Variants in INPP4B observed in about 807,000 individuals in gnomAD.
The protein encoded by INPP4B is inositol polyphosphate 4-phosphatase type II.
A neutral mutation model predicts 122.5 loss-of-function variants in INPP4B; 55 were observed. That is an observed-to-expected ratio of 0.45 (90% CI 0.36 to 0.56). The LOEUF (loss-of-function observed/expected upper bound fraction) is 0.56. Among genes scored for constraint, INPP4B ranks in the 20% least tolerant of loss-of-function variants. The pLI is 0.00. For missense variants in INPP4B, 1,000 were observed against 1,097.7 expected (o/e 0.91, Z 1.26); for synonymous variants, 403 against 388.7 (o/e 1.04, Z -0.43).
intron 2 of INPP4B, among the ~76,000 whole-genome samples, chr4:142,541,646 G>A (rs1001163279): frequency 3.3e-5 from 5 of 152,204 alleles, no homozygotes; most frequent in African/African-American, 1.2e-4. Flanking sequence ...TTGCCAGTGA[G>A]TAAGATGCTA....
chr4:142,092,784 GA>G (rs1237882847), intron 23 of INPP4B, among the ~76,000 whole-genome samples: 3 of 152,162 alleles, frequency 2.0e-5, no homozygotes, highest in Non-Finnish European at 2.9e-5. Context: ...ATTCAACATT[GA>G]CCAGCCACAG....
At chr4:142,621,891 C>T (rs903603669) in intron 2 of INPP4B, among the ~76,000 whole-genome samples, 30 of 151,908 alleles carry the variant, frequency 2.0e-4, no homozygotes, top group African/African-American at 7.0e-4. Flanking sequence ...GTATAACTTA[C>T]TTGTCTGAAG....
chr4:142,729,055 A>G (rs563158412), intron 1 of INPP4B, among the ~76,000 whole-genome samples: 1 of 152,334 alleles, frequency 6.6e-6, no homozygotes, highest in East Asian at 1.9e-4. Context: ...AAATGAAACC[A>G]TTCTACCTCA....
intron 5 of INPP4B, among the ~76,000 whole-genome samples, chr4:142,423,515 T>C (rs904871926): frequency 1.3e-5 from 2 of 152,020 alleles, no homozygotes; most frequent in African/African-American, 4.8e-5. Context: ...ACAAAGTATT[T>C]AGAATCAGCT....
chr4:142,240,939 C>G (rs561716157), intron 11 of INPP4B, among the ~76,000 whole-genome samples: 2 of 151,938 alleles, frequency 1.3e-5, no homozygotes, highest in Non-Finnish European at 2.9e-5. Flanking sequence ...AAGAAAGGCA[C>G]GGTACTCATG....
chr4:142,636,396 T>A (rs1418766504), intron 2 of INPP4B, among the ~76,000 whole-genome samples: 1 of 152,068 alleles, frequency 6.6e-6, no homozygotes, highest in African/African-American at 2.4e-5. Flanking sequence ...AATAAAAAAT[T>A]TTGAAAAACT....
At chr4:142,685,781 A>G (rs1759257951) in intron 2 of INPP4B, among the ~76,000 whole-genome samples, 1 of 152,068 alleles carries the variant, frequency 6.6e-6, no homozygotes, top group African/African-American at 2.4e-5. Context: ...TTATTAAATA[A>G]ATAGGTTTCT....
rs534066381 is a variant in INPP4B at position 142,681,633 on chromosome 4, A to G, written c.-191+44206T>C. 3.3e-5 allele frequency among the ~76,000 whole-genome samples: 5 copies of G among 152,000 alleles called. No homozygotes were observed. In the South Asian group the frequency reaches 8.3e-4, roughly 25 times the overall value. ...GAGGAAGGGAAGAAAGAAAGAAAGA[A>G]AACGAAAACCAAAAGGTTTTCAAGG... On this transcript the variant is annotated intron_variant, in intron 2 of 25. Transcript: ENST00000262992.
chr4:142,165,304 C>T (rs140515675), intron 16 of INPP4B, among the ~76,000 whole-genome samples: 31 of 151,782 alleles, frequency 2.0e-4, no homozygotes, highest in African/African-American at 7.5e-4. Flanking sequence ...GATTAGTCAG[C>T]AATTTATTCT....
intron 1 of INPP4B, among the ~76,000 whole-genome samples, chr4:142,801,204 A>T (rs1777961367): frequency 1.3e-5 from 2 of 152,218 alleles, no homozygotes; most frequent in Non-Finnish European, 2.9e-5. Flanking sequence ...TAATCTAAGC[A>T]GGAGATGATA....
rs183255318 is a variant in INPP4B at position 142,434,115 on chromosome 4, G to T, written c.-126-2730C>A. ...AGAGACCGAGACGTGATATTTTTTAGTCCAGTGTAAAAAATGGCAAAACAA... is the reference window on the plus strand; with the variant it reads ...AGAGACCGAGACGTGATATTTTTTATTCCAGTGTAAAAAATGGCAAAACAA... On this transcript the variant is annotated intron_variant, in intron 3 of 25. Transcript: ENST00000262992. 5.9e-5 allele frequency among the ~76,000 whole-genome samples: 9 copies of T among 152,148 alleles called. No individual in the cohort carries two copies. The East Asian group carries it at 1.7e-3, about 29-fold the overall frequency.
intron 21 of INPP4B, among the ~76,000 whole-genome samples, chr4:142,117,996 A>G (rs1794580917): frequency 6.6e-6 from 1 of 152,172 alleles, no homozygotes; most frequent in Non-Finnish European, 1.5e-5. Flanking sequence ...CTATACACCA[A>G]TAACAGACAA....
At chr4:142,042,819 C>T (rs13123435) in intron 25 of INPP4B, among the ~76,000 whole-genome samples, 122,557 of 152,034 alleles carry the variant, frequency 0.81, 51,639 homozygotes, top group Non-Finnish European at 0.92. Context: ...CCTCGGCCTC[C>T]CAAAGTGCTG....
chr4:142,116,032 C>A (rs909202779), intron 21 of INPP4B, among the ~76,000 whole-genome samples: 1 of 152,088 alleles, frequency 6.6e-6, no homozygotes, highest in Non-Finnish European at 1.5e-5. Context: ...ATAAAAGAGA[C>A]TTTAAACCAA....
At chr4:142,117,566 C>A (rs6829180) in intron 21 of INPP4B, among the ~76,000 whole-genome samples, 4 of 151,864 alleles carry the variant, frequency 2.6e-5, no homozygotes, top group African/African-American at 9.7e-5. Context: ...AAAAATCACA[C>A]GACTATCTCA....
At chr4:142,375,308 C>G (rs537835028) in intron 7 of INPP4B, among the ~76,000 whole-genome samples, 3 of 150,198 alleles carry the variant, frequency 2.0e-5, no homozygotes, top group African/African-American at 7.3e-5. Context: ...TACTCTTAAT[C>G]TTGTAACTGA....
chr4:142,158,128 C>G (rs1298011245), intron 17 of INPP4B, among the ~76,000 whole-genome samples: 2 of 152,072 alleles, frequency 1.3e-5, no homozygotes, highest in African/African-American at 4.8e-5. Context: ...ATGTAAATAA[C>G]TAATAATAAT....
In INPP4B at chr4:142,683,197, C is replaced by T. The variant is rs375742585; in HGVS notation, c.-191+42642G>A. Among the ~76,000 whole-genome samples, 447 of 152,066 alleles carry T rather than the reference C, an allele frequency of 2.9e-3. 2 individuals are homozygous for T. Among genetic ancestry groups the T allele is most frequent in the South Asian group, 4.8e-3 (23 of 4,820 alleles). On this transcript the variant is annotated intron_variant, in intron 2 of 25. Transcript: ENST00000262992. ...ACCCTGAAATAAAAGGATATCTTTTCTCAACGTGCTTTGTTTGTATTTCTT... is the reference window on the plus strand; with the variant it reads ...ACCCTGAAATAAAAGGATATCTTTTTTCAACGTGCTTTGTTTGTATTTCTT...
At chr4:142,191,648 G>T (rs1316968257) in intron 15 of INPP4B, among the ~76,000 whole-genome samples, 1 of 152,198 alleles carries the variant, frequency 6.6e-6, no homozygotes, top group Non-Finnish European at 1.5e-5. Flanking sequence ...TAATATTTGT[G>T]AGAAGGGTGT....
Sources: gnomAD v4.1 joint callset for allele counts (sites outside exome capture counted in the v4.1 genomes callset) on GRCh38, gnomAD v4.1.1 for gene constraint, MANE v1.5 for transcripts, NCBI Gene and HGNC (gene_info 2026-07-23, HGNC 2026-07-21) for gene names.